The following IL12RB2 variants were observed in gnomAD, a reference collection of about 807,000 sequenced individuals.
The protein encoded by IL12RB2 is interleukin-12 receptor subunit beta-2.
Under a neutral mutation model 89.4 loss-of-function variants are expected in IL12RB2, and 82 were observed. The ratio of observed to expected loss-of-function variants is 0.92; its 90% confidence interval spans 0.77 to 1.10. IL12RB2 has a LOEUF of 1.10. Ranked by LOEUF, IL12RB2 falls within the 50% of genes least tolerant of loss-of-function variation. IL12RB2 has a pLI of 0.00. For missense variants in IL12RB2, 963 were observed against 1,031.9 expected (o/e 0.93, Z 0.92); for synonymous variants, 368 against 370.1 (o/e 0.99, Z 0.07).
chr1:67,392,208 C>A (rs748724206), intron 16 of IL12RB2, among the ~76,000 whole-genome samples: 1 of 151,992 alleles, frequency 6.6e-6, no homozygotes, highest in Non-Finnish European at 1.5e-5. Context: ...TATACATATG[C>A]CCAAAGTTGT....
rs543230339 is a variant in IL12RB2, at chr1:67,369,837, C to T, written c.1459+1812C>T. Among the ~76,000 whole-genome samples, 452 of 152,114 alleles carry T rather than the reference C, an allele frequency of 3.0e-3. 1 individual carries two copies. Among genetic ancestry groups the T allele is most frequent in the Middle Eastern group, 0.014 (4 of 294 alleles). Reference sequence around the variant, plus strand: ...AGGAGTTCAAGACCAGCCTGGCCAACGTGGTGAAACCCCATCCCTACTAAA... The same window carrying T: ...AGGAGTTCAAGACCAGCCTGGCCAATGTGGTGAAACCCCATCCCTACTAAA... On this transcript the variant is annotated intron_variant, in intron 11 of 16. Transcript: ENST00000674203.
intron 10 of IL12RB2, among the ~76,000 whole-genome samples, chr1:67,363,721 C>G (rs925698460): frequency 6.6e-6 from 1 of 152,132 alleles, no homozygotes; most frequent in African/African-American, 2.4e-5. Context: ...TTCTGCTACC[C>G]ATGAAGCAGT....
chr1:67,386,397 T>C (rs1048026327), intron 14 of IL12RB2, among the ~76,000 whole-genome samples, 182 bp from the exon 15 acceptor site: 6 of 152,058 alleles, frequency 3.9e-5, no homozygotes, highest in East Asian at 1.9e-4. Flanking sequence ...CTTGGAACCA[T>C]AGAATTGGTC....
chr1:67,386,625 TATC>T lies in IL12RB2; in HGVS notation c.1908_1910del (p.Ile636del), dbSNP rs1665180841. 1 of 1,613,670 alleles carries T rather than the reference TATC, an allele frequency of 6.2e-7. No individual in the cohort carries two copies. The highest frequency in any genetic ancestry group is 1.3e-5 in the African/African-American group (1 of 74,890). ...TTGTGGCACCAAGCATTTGCATTGC[TATC>T]ATCATGGTGGGCATTTTCTCAACGC... On this transcript the variant is annotated inframe_deletion, in exon 15 of 17. Coordinates refer to ENST00000674203, the MANE Select transcript of IL12RB2 (RefSeq NM_001374259.2).
At chr1:67,366,674 T>A (rs1662712161) in intron 10 of IL12RB2, among the ~76,000 whole-genome samples, 1 of 152,168 alleles carries the variant, frequency 6.6e-6, no homozygotes, top group Non-Finnish European at 1.5e-5. Context: ...GTGAATTTGC[T>A]CTATAATCAA....
At position 67,398,351 on chromosome 1, in the gene IL12RB2, CTTTTGAT is replaced by C. The variant is rs1217432594; in HGVS notation, c.*2264_*2270del. The stretch of plus-strand genomic sequence containing the variant: ...CCTGGTTTTTCCTATCTTTGGTTTC[CTTTTGAT>C]TATCTCTCATCCATCTCAGCCACTA... On this transcript the variant is annotated 3_prime_UTR_variant, in exon 17 of 17. Coordinates refer to ENST00000674203, the MANE Select transcript of IL12RB2 (RefSeq NM_001374259.2). 6.6e-6 allele frequency among the ~76,000 whole-genome samples: 1 copy of C among 151,914 alleles called. No individual in the cohort carries two copies. Among genetic ancestry groups the C allele is most frequent in the African/African-American group, 2.4e-5 (1 of 41,346 alleles).
chr1:67,342,010 C>T (rs1037241898), intron 9 of IL12RB2, among the ~76,000 whole-genome samples: 2 of 152,144 alleles, frequency 1.3e-5, no homozygotes, highest in Admixed American at 1.3e-4. Context: ...CACTCTTATC[C>T]CAGCCTCTAA....
Position 67,368,013 on chromosome 1 carries a change from G to A in IL12RB2, c.1447G>A (p.Ala483Thr). 6.3e-7 allele frequency: 1 copy of A among 1,595,104 alleles called. No homozygotes were observed. Among genetic ancestry groups the A allele is most frequent in the Non-Finnish European group, 8.6e-7 (1 of 1,162,744 alleles). ...ACGGAGTCGACCCTACAATGTGTCT[G>A]CTCTGATTTCAGGTACCTAATTGTT... ...WLRSRPYNVS[A>T]LISENIKSYI... Residue 483 changes from alanine (A) to threonine (T), a missense_variant, in exon 11 of 17, where the codon GCT becomes ACT. By Grantham distance (58) the Ala-to-Thr change is moderately conservative. Transcript: ENST00000674203.
At chr1:67,317,044 G>T (rs1569712743) in intron 2 of IL12RB2, among the ~76,000 whole-genome samples, 1 of 152,138 alleles carries the variant, frequency 6.6e-6, no homozygotes, top group African/African-American at 2.4e-5. Context: ...TGAATGAAAG[G>T]TGTCTGAACT....
intron 2 of IL12RB2, among the ~76,000 whole-genome samples, chr1:67,318,324 G>T (rs930039570): frequency 2.6e-5 from 4 of 152,154 alleles, no homozygotes; most frequent in African/African-American, 9.7e-5. Flanking sequence ...CCCGTTGAAG[G>T]GTTTCCAATA....
chr1:67,374,600 TGAG>T (rs555726056), intron 13 of IL12RB2, among the ~76,000 whole-genome samples: 76 of 151,746 alleles, frequency 5.0e-4, no homozygotes, highest in African/African-American at 1.6e-3. Flanking sequence ...CTCAGCCTCC[TGAG>T]TAGCTGGGAT....
intron 16 of IL12RB2, among the ~76,000 whole-genome samples, chr1:67,390,609 C>T (rs1419518575): frequency 2.0e-5 from 3 of 151,982 alleles, no homozygotes; most frequent in Admixed American, 6.6e-5. Flanking sequence ...GAAGCCAGTA[C>T]ATCATTCCAT....
At position 67,380,094 on chromosome 1, in the gene IL12RB2, A is replaced by G. The variant is rs1209856454; in HGVS notation, c.1826A>G (p.His609Arg). 6.2e-7 allele frequency: 1 copy of G among 1,614,064 alleles called. No individual in the cohort carries two copies. Among genetic ancestry groups the G allele is most frequent in the African/African-American group, 1.3e-5 (1 of 74,924 alleles). Residue 609 changes from histidine to arginine, a missense_variant, in exon 14 of 17, where the codon CAC becomes CGC. Physicochemically the swap from His to Arg is conservative, Grantham distance 29. Transcript: ENST00000674203. ...TALTAAGESSHGNEREFCLQG... is the reference protein window; with the variant it reads ...TALTAAGESSRGNEREFCLQG... ...CTGACAGCTGCTGGTGAAAGTTCCC[A>G]CGGAAATGAGAGGGAATTTTGTCTG... is the stretch of plus-strand genomic sequence containing the variant.
intron 13 of IL12RB2, among the ~76,000 whole-genome samples, chr1:67,378,018 C>A (rs931220337): frequency 6.6e-6 from 1 of 151,946 alleles, no homozygotes; most frequent in Non-Finnish European, 1.5e-5. Flanking sequence ...CCCAACTACT[C>A]GGGAGGCCAC....
intron 10 of IL12RB2, among the ~76,000 whole-genome samples, chr1:67,363,069 A>G (rs1276776223): frequency 6.7e-6 from 1 of 149,912 alleles, no homozygotes; most frequent in Non-Finnish European, 1.5e-5. Context: ...CACCCGGTTA[A>G]TTTTTGTATT....
At chr1:67,337,908 A>AC (rs1363781498) in intron 8 of IL12RB2, among the ~76,000 whole-genome samples, 2 of 126,516 alleles carry the variant, frequency 1.6e-5, no homozygotes, top group Non-Finnish European at 1.7e-5. Flanking sequence ...TAGTAAAAAA[A>AC]AAAAAAAAAG....
Position 67,320,450 on chromosome 1 carries a change from A to G in IL12RB2, c.76+6A>G. 6.2e-7 allele frequency: 1 copy of G among 1,613,732 alleles called. No homozygotes were observed. Among genetic ancestry groups the G allele is most frequent in the Middle Eastern group, 1.7e-4 (1 of 5,958 alleles). On this transcript the variant is annotated splice_donor_region_variant and intron_variant, in intron 3 of 16. Transcript: ENST00000674203. ...GTTGATTAAAGCAAAAATAGGTAAGATATTTCTGTAAGTTACTCTGTGGAA... is the reference window on the plus strand; with the variant it reads ...GTTGATTAAAGCAAAAATAGGTAAGGTATTTCTGTAAGTTACTCTGTGGAA...
intron 9 of IL12RB2, among the ~76,000 whole-genome samples, chr1:67,348,982 G>A (rs1217373239): frequency 6.6e-6 from 1 of 152,112 alleles, no homozygotes; most frequent in African/African-American, 2.4e-5. Context: ...ATGCGAAGGG[G>A]AAAATGTAAG....
chr1:67,318,567 T>C (rs1656089739), intron 2 of IL12RB2, among the ~76,000 whole-genome samples: 1 of 152,046 alleles, frequency 6.6e-6, no homozygotes, highest in Non-Finnish European at 1.5e-5. Flanking sequence ...CTAGAGATGG[T>C]TTAGCTGTAG....
Sources: gnomAD v4.1 joint callset for allele counts (sites outside exome capture counted in the v4.1 genomes callset) on GRCh38, gnomAD v4.1.1 for gene constraint, MANE v1.5 for transcripts, NCBI Gene and HGNC (gene_info 2026-07-23, HGNC 2026-07-21) for gene names.